CD226: variants seen among roughly 807,000 people sequenced by gnomAD.
The protein encoded by CD226 is CD226 molecule, also known as CD226 antigen.
In CD226, 24 loss-of-function variants were observed where a neutral mutation model predicts 34.9. That is an observed-to-expected ratio of 0.69 (90% confidence interval 0.50 to 0.97). The LOEUF is 0.97. Ranked by LOEUF, CD226 falls within the 50% of genes least tolerant of loss-of-function variation. The pLI is 0.00. For missense variants in CD226, 397 were observed against 412.7 expected, an observed-to-expected ratio of 0.96 and a Z score of 0.33; for synonymous variants, 148 against 147.4, an observed-to-expected ratio of 1.00 and a Z score of -0.03.
At chr18:69,909,483 A>C (rs1431073620) in intron 2 of CD226, among the ~76,000 whole-genome samples, 1 of 152,236 alleles carries the variant, frequency 6.6e-6, no homozygotes, top group South Asian at 2.1e-4. Context: ...AAAGATCAAC[A>C]GTATTTCTCA....
At chr18:69,954,303 C>T (rs907884148) in intron 1 of CD226, among the ~76,000 whole-genome samples, 1 of 152,176 alleles carries the variant, frequency 6.6e-6, no homozygotes, top group Non-Finnish European at 1.5e-5. Flanking sequence ...TTTGTGATAA[C>T]AGCTGGAAAT....
chr18:69,934,500 G>A lies in CD226; in HGVS notation c.382+12234C>T, dbSNP rs73464771. 6.8e-3 allele frequency among the ~76,000 whole-genome samples: 1,030 copies of A among 152,266 alleles called. 4 individuals carry two copies. Among genetic ancestry groups the A allele is most frequent in the Middle Eastern group, 0.01 (3 of 294 alleles). On this transcript the variant is annotated intron_variant, in intron 2 of 5. Coordinates refer to ENST00000582621, the MANE Select transcript of CD226 (RefSeq NM_001303618.2). ...TAAATGCTCCCAGAATTAATGCCCA[G>A]ATTTTATTCTGTTTGGCCACGGTCA...
chr18:69,902,008 G>A (rs1042163971), intron 2 of CD226, among the ~76,000 whole-genome samples: 1 of 152,092 alleles, frequency 6.6e-6, no homozygotes, highest in African/African-American at 2.4e-5. Context: ...CATCCAATCA[G>A]TATTAATGTG....
rs912353431 is a variant in CD226, at chr18:69,941,462, C to A, written c.382+5272G>T. ...AGCTGCCCAAGACCATGGGTGCCCA[C>A]CTCTTGCATCAGCATGCCCAGGATG... On this transcript the variant is annotated intron_variant, in intron 2 of 5. Transcript: ENST00000582621. Among the ~76,000 whole-genome samples, 7 of 152,256 alleles carry A rather than the reference C, an allele frequency of 4.6e-5. 1 individual carries two copies. Among genetic ancestry groups the A allele is most frequent in the Non-Finnish European group, 7.3e-5 (5 of 68,040 alleles).
At chr18:69,890,527 TAA>T (rs1984832030) in intron 3 of CD226, among the ~76,000 whole-genome samples, 1 of 152,146 alleles carries the variant, frequency 6.6e-6, no homozygotes, top group African/African-American at 2.4e-5. Context: ...TTTCAGACTA[TAA>T]AAGTTTGAGA....
intron 3 of CD226, among the ~76,000 whole-genome samples, chr18:69,888,034 A>G (rs1984663220): frequency 6.6e-6 from 1 of 152,214 alleles, no homozygotes; most frequent in Non-Finnish European, 1.5e-5. Flanking sequence ...AACCTAGTAC[A>G]TCGCCTTTGA....
chr18:69,881,219 C>T (rs547461964), intron 3 of CD226, among the ~76,000 whole-genome samples: 36 of 152,182 alleles, frequency 2.4e-4, no homozygotes, highest in African/African-American at 6.0e-4. Context: ...AAATATTAGA[C>T]CTTGTTTTGT....
upstream of CD226, among the ~76,000 whole-genome samples, chr18:69,950,544 G>A (rs1238245379): frequency 6.6e-6 from 1 of 152,214 alleles, no homozygotes; most frequent in South Asian, 2.1e-4. Flanking sequence ...CTCTCGGGCA[G>A]TGAAGTGTGT....
chr18:69,946,513 T>G (rs775079735), intron 2 of CD226, among the ~76,000 whole-genome samples: 1 of 152,128 alleles, frequency 6.6e-6, no homozygotes, highest in Non-Finnish European at 1.5e-5. Flanking sequence ...CATTCAAATT[T>G]GAAAGGCACT....
chr18:69,951,585 A>G (rs73466715), upstream of CD226, among the ~76,000 whole-genome samples: 1,030 of 152,270 alleles, frequency 6.8e-3, 4 homozygotes, highest in Middle Eastern at 0.01. Flanking sequence ...CCAACTCTGA[A>G]GTCTGAACAT....
chr18:69,868,806 C>CACACAT, intron 4 of CD226, among the ~76,000 whole-genome samples: 1 of 139,522 alleles, frequency 7.2e-6, no homozygotes, highest in East Asian at 2.0e-4. Context: ...CGTGCACGCA[C>CACACAT]ACACACACAC....
intron 5 of CD226, among the ~76,000 whole-genome samples, chr18:69,864,995 T>C (rs1983050403): frequency 6.6e-6 from 1 of 152,014 alleles, no homozygotes; most frequent in Non-Finnish European, 1.5e-5. Context: ...TTGACCTTAG[T>C]GTTGTTGGTT....
intron 2 of CD226, among the ~76,000 whole-genome samples, chr18:69,946,254 G>C (rs1372466297): frequency 1.4e-5 from 2 of 139,378 alleles, no homozygotes; most frequent in Admixed American, 1.4e-4. Context: ...AGAAAAGAAA[G>C]AAAGAGAGAG....
chr18:69,947,217 T>C, intron 1 of CD226, 144 bp downstream of exon 1: 1 of 918,010 alleles, frequency 1.1e-6, no homozygotes, highest in Non-Finnish European at 1.7e-6. Flanking sequence ...TGCTGATAAT[T>C]GGAAAATGTA....
At chr18:69,918,224 T>C (rs2055408919) in intron 2 of CD226, among the ~76,000 whole-genome samples, 1 of 152,138 alleles carries the variant, frequency 6.6e-6, no homozygotes, top group East Asian at 1.9e-4. Context: ...AGTTCAAAAA[T>C]ATTTGGTAAG....
intron 2 of CD226, among the ~76,000 whole-genome samples, chr18:69,905,684 A>C (rs1401800376): frequency 6.6e-6 from 1 of 152,212 alleles, no homozygotes; most frequent in African/African-American, 2.4e-5. Flanking sequence ...ACTGGGTGTA[A>C]ATAAAACACA....
rs1982638500 is a variant in CD226 at position 69,857,207 on chromosome 18, T to C, written c.*7107A>G. 2 of 152,184 alleles carry C rather than the reference T, an allele frequency of 1.3e-5. No homozygotes were observed. The highest frequency in any genetic ancestry group is 4.1e-4 in the South Asian group (2 of 4,830). The allele number at this position is 152,184 out of a possible 1,614,324, so 9.4% of individuals were successfully genotyped here. A position where few individuals can be genotyped will look rare whatever the true frequency, so the allele number is the denominator to read the frequency against. On this transcript the variant is annotated 3_prime_UTR_variant, in exon 6 of 6. Transcript: ENST00000582621. ...TATTCATTAGACATTGAAAGAATTA[T>C]AAAATAGACATACAAAATTACAGAA... is the stretch of plus-strand genomic sequence containing the variant.
At chr18:69,960,259 GAAAAGAAAAAGAAAAT>G (rs1237112897), upstream of CD226, among the ~76,000 whole-genome samples, 4 of 149,126 alleles carry the variant, frequency 2.7e-5, no homozygotes, top group Non-Finnish European at 5.9e-5. Flanking sequence ...AAAAAGAAAA[GAAAAGAAAAAGAAAAT>G]AAAAAGAATA....
intron 4 of CD226, among the ~76,000 whole-genome samples, chr18:69,870,368 G>C (rs565458348): frequency 1.4e-5 from 2 of 144,102 alleles, no homozygotes; most frequent in African/African-American, 2.6e-5. Context: ...TCCATCTCCC[G>C]GGTTCAAGTG....
Sources: gnomAD v4.1 joint callset for allele counts (sites outside exome capture counted in the v4.1 genomes callset) on GRCh38, gnomAD v4.1.1 for gene constraint, MANE v1.5 for transcripts, NCBI Gene and HGNC (gene_info 2026-07-23, HGNC 2026-07-21) for gene names.